Variants in EPC1 observed in about 807,000 individuals in gnomAD.
EPC1 encodes the protein enhancer of polycomb 1, also known as enhancer of polycomb homolog 1.
Under a neutral mutation model 98.4 loss-of-function variants are expected in EPC1, and 12 were observed. That is an observed-to-expected ratio of 0.12 (90% confidence interval 0.08 to 0.20). The LOEUF is 0.20. Ranked by LOEUF, EPC1 falls within the 10% of genes least tolerant of loss-of-function variation. The pLI is 1.00. For synonymous variants in EPC1, 357 were observed against 363.9 expected (o/e 0.98, Z 0.21); for missense variants, 729 against 990.5 (o/e 0.74, Z 3.54).
At chr10:32,318,150 C>A (rs115768470) in intron 1 of EPC1, among the ~76,000 whole-genome samples, 11 of 152,254 alleles carry the variant, frequency 7.2e-5, no homozygotes, top group Non-Finnish European at 1.3e-4. Flanking sequence ...TCTCTTTCTA[C>A]GCTTAGAAAA....
intron 1 of EPC1, among the ~76,000 whole-genome samples, chr10:32,344,731 G>A (rs993601533): frequency 6.6e-6 from 1 of 152,238 alleles, no homozygotes; most frequent in Non-Finnish European, 1.5e-5. Flanking sequence ...GGGTTGTAGT[G>A]AGCCGAGATG....
At chr10:32,359,168 A>T (rs561367625) in intron 1 of EPC1, among the ~76,000 whole-genome samples, 12 of 152,234 alleles carry the variant, frequency 7.9e-5, no homozygotes, top group Admixed American at 2.6e-4. Flanking sequence ...CAATCAAGTT[A>T]TCCATCTAAT....
chr10:32,369,638 T>C (rs1839694000), intron 1 of EPC1, among the ~76,000 whole-genome samples: 1 of 152,242 alleles, frequency 6.6e-6, no homozygotes, highest in Admixed American at 6.5e-5. Flanking sequence ...TAGAATGTGC[T>C]GTCGAAAGTA....
chr10:32,328,596 T>C (rs1297470303), intron 1 of EPC1, among the ~76,000 whole-genome samples: 3 of 152,154 alleles, frequency 2.0e-5, no homozygotes, highest in Non-Finnish European at 4.4e-5. Flanking sequence ...AAAGGAGGAA[T>C]CAATCTCCTA....
Position 32,338,289 on chromosome 10 carries a change from T to C in EPC1, c.153+8474A>G, listed in dbSNP as rs527956591. On this transcript the variant is annotated intron_variant, in intron 1 of 13. Transcript: ENST00000319778. ...CATTCAAATCCACCAGCAAGTTCTG[T>C]TGGTTCTGGCTCCTCAAAATATATC... 3.1e-3 allele frequency among the ~76,000 whole-genome samples: 468 copies of C among 152,294 alleles called. 2 individuals are homozygous for C. The highest frequency in any genetic ancestry group is 0.01 in the African/African-American group (428 of 41,560).
At chr10:32,346,569 G>C (rs1286746540) in intron 1 of EPC1, 194 bp downstream of exon 1, 1 of 609,916 alleles carries the variant, frequency 1.6e-6, no homozygotes, top group South Asian at 2.0e-5. Flanking sequence ...GGTGGCCTTA[G>C]AAGGGGCCCC....
chr10:32,364,708 A>G (rs1488050685), intron 1 of EPC1, among the ~76,000 whole-genome samples: 1 of 152,140 alleles, frequency 6.6e-6, no homozygotes, highest in African/African-American at 2.4e-5. Context: ...AAAGCCAAGA[A>G]AAGATAATTT....
In EPC1 at chr10:32,346,986, G is replaced by A; in HGVS notation, c.-71C>T. On this transcript the variant is annotated 5_prime_UTR_variant, in exon 1 of 14. Transcript: ENST00000319778. Reference sequence around the variant, plus strand: ...CCAGCGGGATCATGGAGAACCGGGGGTTCGGTCCCCACTCGCCAACCGCTG... The same window carrying A: ...CCAGCGGGATCATGGAGAACCGGGGATTCGGTCCCCACTCGCCAACCGCTG... The A allele has an allele frequency of 1.3e-6, 2 of 1,580,886 alleles. No individual in the cohort carries two copies. Among genetic ancestry groups the A allele is most frequent in the Non-Finnish European group, 1.7e-6 (2 of 1,169,656 alleles).
At chr10:32,377,898 T>C (rs2133134562) in intron 1 of EPC1, among the ~76,000 whole-genome samples, 1 of 152,318 alleles carries the variant, frequency 6.6e-6, no homozygotes, top group African/African-American at 2.4e-5. Context: ...GCAAAGATTA[T>C]CTAATGAAGA....
At chr10:32,345,624 C>G in intron 1 of EPC1, 1 of 985,384 alleles carries the variant, frequency 1.0e-6, no homozygotes, top group Non-Finnish European at 1.2e-6. Flanking sequence ...TGTCAAGGAT[C>G]TGGGGGAAAT....
chr10:32,319,399 G>C (rs574476828), intron 1 of EPC1, among the ~76,000 whole-genome samples: 3 of 152,266 alleles, frequency 2.0e-5, no homozygotes, highest in Non-Finnish European at 4.4e-5. Context: ...TTTGTTGTAA[G>C]GGAAATATAG....
chr10:32,331,293 A>G (rs1837625464), intron 1 of EPC1, among the ~76,000 whole-genome samples: 1 of 151,928 alleles, frequency 6.6e-6, no homozygotes, highest in Admixed American at 6.6e-5. Context: ...CAGAGGTTGC[A>G]GTGAGCCAAG....
chr10:32,345,678 C>T (rs541588070), intron 1 of EPC1: 1 of 964,584 alleles, frequency 1.0e-6, no homozygotes, highest in South Asian at 4.8e-5. Flanking sequence ...CCAACTTCCA[C>T]AACAAGGTAA....
chr10:32,296,439 C>A (rs1835163275), intron 2 of EPC1, among the ~76,000 whole-genome samples: 1 of 152,144 alleles, frequency 6.6e-6, no homozygotes, highest in Admixed American at 6.6e-5. Context: ...ATTATATTAT[C>A]AATGGCAAGT....
intron 1 of EPC1, among the ~76,000 whole-genome samples, chr10:32,309,493 C>CTTTTTTTTTTTTTTTT (rs67775039): frequency 7.0e-6 from 1 of 142,440 alleles, no homozygotes; most frequent in Non-Finnish European, 1.5e-5. Flanking sequence ...TATTTTCAAG[C>CTTTTTTTTTTTTTTTT]TTTTTTTTTT....
intron 10 of EPC1, chr10:32,274,025 T>C (rs1314223925): frequency 6.6e-6 from 1 of 151,946 alleles, no homozygotes; most frequent in Admixed American, 6.6e-5. Flanking sequence ...TGTTTGTCTA[T>C]GGAGAGCTCA....
intron 1 of EPC1, among the ~76,000 whole-genome samples, chr10:32,361,018 C>A (rs1291507067): frequency 6.6e-6 from 1 of 152,178 alleles, no homozygotes; most frequent in African/African-American, 2.4e-5. Context: ...TAACAAAGGC[C>A]AAGGGAGCAC....
chr10:32,338,344 C>A (rs1838105397), intron 1 of EPC1, among the ~76,000 whole-genome samples: 1 of 152,204 alleles, frequency 6.6e-6, no homozygotes, highest in African/African-American at 2.4e-5. Context: ...TTCATTTCCA[C>A]TAGCACCAAC....
chr10:32,341,341 G>GTGTGTGTGTGTA (rs1267848889), intron 1 of EPC1, among the ~76,000 whole-genome samples: 1 of 151,958 alleles, frequency 6.6e-6, no homozygotes, highest in Non-Finnish European at 1.5e-5. Context: ...CTGTGTGTGT[G>GTGTGTGTGTGTA]TATAGATTCT....
Sources: gnomAD v4.1 joint callset for allele counts (sites outside exome capture counted in the v4.1 genomes callset) on GRCh38, gnomAD v4.1.1 for gene constraint, MANE v1.5 for transcripts, NCBI Gene and HGNC (gene_info 2026-07-23, HGNC 2026-07-21) for gene names.